The following HDGF variants were observed in gnomAD, a reference collection of about 807,000 sequenced individuals.
The protein encoded by HDGF is hepatoma-derived growth factor.
In HDGF, 5 loss-of-function variants were observed where a neutral mutation model predicts 30.0. The observed-to-expected ratio is 0.17, with a 90% CI of 0.09 to 0.35. HDGF has a LOEUF of 0.35. HDGF is among the 10% of genes least tolerant of loss of function. HDGF has a pLI of 1.00. For missense variants in HDGF, 214 were observed against 302.8 expected (o/e 0.71, Z 2.18); for synonymous variants, 133 against 112.7 (o/e 1.18, Z -1.14).
At chr1:156,748,183 C>G (rs1270430786) in intron 1 of HDGF, among the ~76,000 whole-genome samples, 1 of 152,168 alleles carries the variant, frequency 6.6e-6, no homozygotes, top group East Asian at 1.9e-4. Context: ...GGGAGGTGTG[C>G]TCTTCTCACT....
intron 1 of HDGF, among the ~76,000 whole-genome samples, chr1:156,763,446 C>A (rs1231197723): frequency 2.6e-5 from 4 of 151,230 alleles, no homozygotes; most frequent in African/African-American, 4.9e-5. Flanking sequence ...GATCTCTTGA[C>A]CTTGGGATCC....
chr1:156,753,687 A>G (rs565647935), upstream of HDGF, among the ~76,000 whole-genome samples: 3 of 151,624 alleles, frequency 2.0e-5, no homozygotes, highest in East Asian at 5.9e-4. Context: ...AGTAGCTGGG[A>G]TTACAGGTGT....
chr1:156,743,248 G>T lies in HDGF; in HGVS notation c.*201C>A. 1 of 546,644 alleles carries T rather than the reference G, an allele frequency of 1.8e-6. No homozygotes were observed. 33.9% of individuals were successfully genotyped at this position (546,644 alleles called of 1,614,324 possible). On this transcript the variant is annotated 3_prime_UTR_variant, in exon 6 of 6. Coordinates refer to ENST00000357325, the MANE Select transcript of HDGF (RefSeq NM_004494.3). ...CTGACTCAGATCATAGGAGTATGGG[G>T]ACCTAGAGGTGAGAGCCAGGTGGCC... is the stretch of plus-strand genomic sequence containing the variant.
At chr1:156,746,775 G>A (rs1267121921) in intron 1 of HDGF, among the ~76,000 whole-genome samples, 3 of 152,204 alleles carry the variant, frequency 2.0e-5, no homozygotes, top group Non-Finnish European at 4.4e-5. Flanking sequence ...CAGCAGCCAG[G>A]CTTCCCGCCG....
intron 1 of HDGF, among the ~76,000 whole-genome samples, chr1:156,749,984 TG>T (rs1326597540): frequency 6.6e-6 from 1 of 152,218 alleles, no homozygotes; most frequent in Admixed American, 6.5e-5. Context: ...CGCTTCTCTT[TG>T]TACTTCACTC....
At position 156,744,286 on chromosome 1, in the gene HDGF, G is replaced by A. The variant is rs765521975; in HGVS notation, c.366C>T (p.Asp122=). ...CCTCTGCATTCCCCTTCTTATCACC[G>A]TCACCCTCTGCAGCTTCGGGCTCTG... The part of the protein sequence containing the change: ...PEPEPEAAEG[D]GDKKGNAEGS... The change falls in exon 4 of 6, where the codon GAC becomes GAT. Residue 122 remains aspartate (D), a synonymous_variant. Coordinates refer to ENST00000357325, the MANE Select transcript of HDGF (RefSeq NM_004494.3). 7.4e-6 allele frequency: 12 copies of A among 1,613,918 alleles called. No homozygotes were observed. The Admixed American group carries it at 8.3e-5, about 11-fold the overall frequency.
intron 4 of HDGF, 127 bp downstream of exon 4, chr1:156,744,036 G>T: frequency 9.1e-7 from 1 of 1,095,120 alleles, no homozygotes. Context: ...GTCAGCTGGG[G>T]ACTCCCCAAG....
In HDGF at chr1:156,743,663, T is replaced by C; in HGVS notation, c.705A>G (p.Arg235=). 6.2e-7 allele frequency: 1 copy of C among 1,611,190 alleles called. No individual in the cohort carries two copies. The highest frequency in any genetic ancestry group is 8.5e-7 in the Non-Finnish European group (1 of 1,177,566). The change falls in exon 5 of 6, where the codon AGA becomes AGG. Residue 235 remains arginine, a synonymous_variant. Transcript: ENST00000357325. ...GGGGGCTCACTCACCTCTCATGATCTCTGATGCCTGGGGCCTCAGCATCTT... is the reference window on the plus strand; with the variant it reads ...GGGGGCTCACTCACCTCTCATGATCCCTGATGCCTGGGGCCTCAGCATCTT... ...TKEDAEAPGI[R]DHESL
intron 4 of HDGF, 24 bp from the exon 5 acceptor site, chr1:156,743,902 T>C (rs777830222): frequency 2.4e-5 from 38 of 1,576,760 alleles, no homozygotes; most frequent in East Asian, 2.2e-5. Flanking sequence ...ACAGAGGAAG[T>C]GGGCTGAGGC....
intron 1 of HDGF, among the ~76,000 whole-genome samples, chr1:156,766,125 C>T (rs760361126): frequency 1.3e-5 from 2 of 152,174 alleles, no homozygotes; most frequent in African/African-American, 4.8e-5. Flanking sequence ...CTCTAAGGAG[C>T]CTTCATGGAG....
At chr1:156,752,542 G>C (rs1651046445), upstream of HDGF, 4 of 618,352 alleles carry the variant, frequency 6.5e-6, no homozygotes, top group East Asian at 1.1e-4. Context: ...AGGTGGGGAG[G>C]GGGGTCTGGG....
upstream of HDGF, among the ~76,000 whole-genome samples, chr1:156,767,323 G>GA (rs912267659): frequency 9.9e-5 from 15 of 152,210 alleles, no homozygotes; most frequent in South Asian, 2.5e-3. Flanking sequence ...GTTAGGCGAC[G>GA]AAAAAAACTA....
In HDGF at chr1:156,751,462, G is replaced by C. The variant is rs550370904; in HGVS notation, c.-33C>G. On this transcript the variant is annotated 5_prime_UTR_variant, in exon 1 of 6. Coordinates refer to ENST00000357325, the MANE Select transcript of HDGF (RefSeq NM_004494.3). The surrounding 1 kb of genome is among the most constrained non-coding windows in gnomAD (Gnocchi z 4.7). ...CTCCGGGCGCCCCGGGCTCCGCGCC[G>C]GGCCGGGAAGCGCGAGCCCAAGTTT... 4.2e-5 allele frequency: 62 copies of C among 1,486,692 alleles called. No individual in the cohort carries two copies. Among genetic ancestry groups the C allele is most frequent in the Non-Finnish European group, 5.5e-5 (61 of 1,110,528 alleles). The allele number at this position is 1,486,692 out of a possible 1,614,324, so 92.1% of individuals were successfully genotyped here.
Position 156,742,752 on chromosome 1 carries a change from C to G in HDGF, c.*697G>C, listed in dbSNP as rs1650216310. On this transcript the variant is annotated 3_prime_UTR_variant, in exon 6 of 6. Coordinates refer to ENST00000357325, the MANE Select transcript of HDGF (RefSeq NM_004494.3). ...TGGGTAAAGTCAACCCTTCAGGTCT[C>G]AGGTCCTTGGCCCGAACAACTTGGA... is the stretch of plus-strand genomic sequence containing the variant. 6.5e-6 allele frequency: 1 copy of G among 154,776 alleles called. No homozygotes were observed. The highest frequency in any genetic ancestry group is 1.5e-5 in the Non-Finnish European group (1 of 68,216). 9.6% of individuals were successfully genotyped at this position (154,776 alleles called of 1,614,324 possible).
At chr1:156,749,324 C>T (rs7529283) in intron 1 of HDGF, among the ~76,000 whole-genome samples, 1 of 152,182 alleles carries the variant, frequency 6.6e-6, no homozygotes, top group Non-Finnish European at 1.5e-5. Flanking sequence ...CAGGAAGGGC[C>T]CCTCAGGCTC....
chr1:156,752,637 A>G (rs1416006572), upstream of HDGF, among the ~76,000 whole-genome samples: 1 of 152,204 alleles, frequency 6.6e-6, no homozygotes, highest in Non-Finnish European at 1.5e-5. Context: ...ATTTTGGCCT[A>G]GGTTATATGC....
upstream of HDGF, chr1:156,752,267 C>G (rs1410023207): frequency 6.4e-7 from 1 of 1,551,684 alleles, no homozygotes; most frequent in Admixed American, 2.0e-5. Context: ...GGGATTTGAG[C>G]CCTACGTCCG....
intron 1 of HDGF, among the ~76,000 whole-genome samples, chr1:156,764,127 C>T (rs774535945): frequency 4.9e-4 from 74 of 152,184 alleles, no homozygotes; most frequent in South Asian, 1.2e-3. Context: ...GGTTTCACCA[C>T]GCCTGGTCTC....
At chr1:156,752,923 C>T (rs562349822), upstream of HDGF, among the ~76,000 whole-genome samples, 62 of 152,320 alleles carry the variant, frequency 4.1e-4, no homozygotes, top group African/African-American at 1.5e-3. Context: ...CAAAGTCTCC[C>T]TGCAAGGAAG....
Sources: gnomAD v4.1 joint callset for allele counts (sites outside exome capture counted in the v4.1 genomes callset) on GRCh38, gnomAD v4.1.1 for gene constraint, Gnocchi (gnomAD v3.1) non-coding constraint, MANE v1.5 for transcripts, NCBI Gene and HGNC (gene_info 2026-07-23, HGNC 2026-07-21) for gene names.